The following CLVS1 variants were observed in gnomAD, a reference collection of about 807,000 sequenced individuals.
CLVS1 encodes the protein clavesin-1.
CLVS1 carries 10 observed loss-of-function variants against 33.1 expected under a neutral mutation model. The observed-to-expected ratio is 0.30, with a 90% CI of 0.19 to 0.51. The LOEUF (loss-of-function observed/expected upper bound fraction) is 0.51. Ranked by LOEUF, CLVS1 falls within the 20% of genes least tolerant of loss-of-function variation. CLVS1 has a pLI of 0.97. For missense variants in CLVS1, 343 were observed against 433.4 expected (o/e 0.79, Z 1.85); for synonymous variants, 163 against 166.1 (o/e 0.98, Z 0.14).
chr8:61,070,286 T>G (rs1045723587), intron 1 of CLVS1, among the ~76,000 whole-genome samples: 1 of 152,232 alleles, frequency 6.6e-6, no homozygotes, highest in Non-Finnish European at 1.5e-5. Context: ...TTATTTTAGC[T>G]TTATCCTCAG....
the CLVS1 span, among the ~76,000 whole-genome samples, chr8:60,992,233 T>A: frequency 6.6e-6 from 1 of 152,268 alleles, no homozygotes; most frequent in Non-Finnish European, 1.5e-5. Flanking sequence ...TTATATTTTT[T>A]ACTCATCTGT....
At chr8:61,484,837 A>G (rs1247921916) in intron 5 of CLVS1, among the ~76,000 whole-genome samples, 1 of 152,244 alleles carries the variant, frequency 6.6e-6, no homozygotes, top group Non-Finnish European at 1.5e-5. Context: ...AAAACAAGCA[A>G]TGGGGAAAGG....
chr8:61,394,526 C>T (rs1340322769), intron 3 of CLVS1, among the ~76,000 whole-genome samples: 3 of 151,884 alleles, frequency 2.0e-5, no homozygotes, highest in Non-Finnish European at 4.4e-5. Flanking sequence ...GGGGGATTGG[C>T]GGGGGTTCTC....
chr8:61,463,281 A>G (rs1055487890), intron 5 of CLVS1, among the ~76,000 whole-genome samples: 10 of 152,192 alleles, frequency 6.6e-5, no homozygotes, highest in African/African-American at 2.4e-4. Flanking sequence ...TTGATCATCT[A>G]TTCAGACCTC....
intron 1 of CLVS1, among the ~76,000 whole-genome samples, chr8:61,109,909 C>G (rs76526130): frequency 6.6e-6 from 1 of 152,190 alleles, no homozygotes; most frequent in Admixed American, 6.5e-5. Flanking sequence ...CAAGAAGATG[C>G]GCCCCATCAA....
chr8:61,033,558 G>T, the CLVS1 span, among the ~76,000 whole-genome samples: 6 of 152,208 alleles, frequency 3.9e-5, no homozygotes, highest in African/African-American at 1.4e-4. Context: ...AGTCAGGGGG[G>T]AGTGTGGGTG....
chr8:61,402,813 C>G (rs183903925), intron 3 of CLVS1, among the ~76,000 whole-genome samples: 127 of 152,250 alleles, frequency 8.3e-4, no homozygotes, highest in Middle Eastern at 3.4e-3. Flanking sequence ...CAGAATCTAT[C>G]CTAGCAGTGC....
At chr8:61,146,182 A>C (rs1203731774) in intron 2 of CLVS1, among the ~76,000 whole-genome samples, 2 of 152,218 alleles carry the variant, frequency 1.3e-5, no homozygotes, top group East Asian at 3.8e-4. Flanking sequence ...AAAAAAATTA[A>C]ATGCACAGGA....
intron 1 of CLVS1, among the ~76,000 whole-genome samples, chr8:61,125,102 A>G (rs760392811): frequency 6.6e-6 from 1 of 152,266 alleles, no homozygotes; most frequent in Non-Finnish European, 1.5e-5. Context: ...CTAAATTGAT[A>G]AGGAAATTGA....
chr8:61,473,001 C>A (rs528012957), intron 5 of CLVS1, among the ~76,000 whole-genome samples: 1 of 152,244 alleles, frequency 6.6e-6, no homozygotes, highest in Admixed American at 6.5e-5. Flanking sequence ...ATACAAACAG[C>A]TGTTTCATGG....
chr8:61,089,314 T>C (rs1004173693), intron 1 of CLVS1, among the ~76,000 whole-genome samples: 3 of 152,194 alleles, frequency 2.0e-5, no homozygotes, highest in African/African-American at 7.2e-5. Context: ...TAACAAATGA[T>C]TTACCAAAAT....
At chr8:61,394,867 A>T (rs942643838) in intron 3 of CLVS1, among the ~76,000 whole-genome samples, 14 of 152,238 alleles carry the variant, frequency 9.2e-5, no homozygotes, top group Admixed American at 8.5e-4. Flanking sequence ...TTTTGATAAT[A>T]GACATTCTAA....
At chr8:61,475,435 C>T (rs1307024314) in intron 5 of CLVS1, among the ~76,000 whole-genome samples, 1 of 152,216 alleles carries the variant, frequency 6.6e-6, no homozygotes, top group African/African-American at 2.4e-5. Context: ...CTTCCTATTT[C>T]TCCACACCCT....
chr8:61,209,504 T>C (rs1470481733), intron 2 of CLVS1, among the ~76,000 whole-genome samples: 2 of 152,034 alleles, frequency 1.3e-5, no homozygotes, highest in Non-Finnish European at 2.9e-5. Context: ...TTGTCCAGGG[T>C]AAAAGATGAC....
At chr8:61,390,707 T>A (rs1433421037) in intron 3 of CLVS1, among the ~76,000 whole-genome samples, 1 of 152,100 alleles carries the variant, frequency 6.6e-6, no homozygotes, top group African/African-American at 2.4e-5. Context: ...GTATTGCCTG[T>A]TAATGTACTT....
At chr8:61,149,220 AAG>A (rs1370840652) in intron 2 of CLVS1, among the ~76,000 whole-genome samples, 2 of 152,198 alleles carry the variant, frequency 1.3e-5, no homozygotes, top group Non-Finnish European at 2.9e-5. Flanking sequence ...AGTTGAAAGA[AAG>A]AGAGGAGAGG....
At chr8:61,420,158 G>C (rs1216515467) in intron 3 of CLVS1, among the ~76,000 whole-genome samples, 10 of 152,132 alleles carry the variant, frequency 6.6e-5, no homozygotes, top group Admixed American at 6.5e-4. Flanking sequence ...CTTAGGGTAG[G>C]TTAGTTAACC....
chr8:61,419,633 A>G (rs1280413704), intron 3 of CLVS1, among the ~76,000 whole-genome samples: 1 of 152,170 alleles, frequency 6.6e-6, no homozygotes, highest in African/African-American at 2.4e-5. Context: ...TGACATTAAT[A>G]CAGTTTAACA....
At chr8:60,991,986 G>A in the CLVS1 span, among the ~76,000 whole-genome samples, 1 of 152,112 alleles carries the variant, frequency 6.6e-6, no homozygotes, top group Non-Finnish European at 1.5e-5. Context: ...GATCTCAAGT[G>A]ATCCACCCGC....
Sources: allele counts gnomAD v4.1 joint callset (sites outside exome capture counted in the v4.1 genomes callset), GRCh38; gene constraint gnomAD v4.1.1; transcripts MANE v1.5; gene names NCBI Gene and HGNC (gene_info 2026-07-23, HGNC 2026-07-21).